HTT: variants seen among roughly 807,000 people sequenced by gnomAD.
The protein encoded by HTT is huntingtin.
In HTT, 104 loss-of-function variants were observed where a neutral mutation model predicts 362.3. The observed-to-expected ratio is 0.29, with a 90% CI of 0.24 to 0.34. The LOEUF (loss-of-function observed/expected upper bound fraction) is 0.34. Among genes scored for constraint, HTT ranks in the 10% least tolerant of loss-of-function variants. The pLI, the probability that HTT is intolerant of heterozygous loss-of-function variation, is 1.00. For synonymous variants in HTT, 1,577 were observed against 1,548.7 expected, an observed-to-expected ratio of 1.02 and a Z score of -0.43; for missense variants, 3,301 against 3,928.6, an observed-to-expected ratio of 0.84 and a Z score of 4.27.
chr4:3,121,160 C>CA lies in HTT; in HGVS notation c.1069-62dup. 17 of 1,215,638 alleles carry CA rather than the reference C, an allele frequency of 1.4e-5. No homozygotes were observed. In the South Asian group the frequency reaches 2.2e-4, roughly 16 times the overall value. 75.3% of individuals were successfully genotyped at this position (1,215,638 alleles called of 1,614,324 possible). On this transcript the variant is annotated intron_variant, in intron 8 of 66. Transcript: ENST00000355072. ...GTCAATGAAGTCCTATTAAAAACAA[C>CA]AAAAAAGTGAAGCTTAGGATGCATT...
chr4:3,166,802 G>C (rs1054654683), intron 29 of HTT, among the ~76,000 whole-genome samples: 1 of 152,248 alleles, frequency 6.6e-6, no homozygotes, highest in Non-Finnish European at 1.5e-5. Flanking sequence ...GAAAAGTGCA[G>C]TATTTGGGCA....
At chr4:3,143,460 AG>A (rs1295862036) in intron 23 of HTT, among the ~76,000 whole-genome samples, 1 of 151,296 alleles carries the variant, frequency 6.6e-6, no homozygotes, top group Non-Finnish European at 1.5e-5. Context: ...AAAAAAGAAA[AG>A]AAAAAAGTAA....
At chr4:3,080,855 C>T (rs1481869904) in intron 1 of HTT, among the ~76,000 whole-genome samples, 2 of 152,182 alleles carry the variant, frequency 1.3e-5, no homozygotes, top group African/African-American at 2.4e-5. Context: ...ACTATTCTTT[C>T]CCCATGGAAT....
intron 42 of HTT, 151 bp downstream of exon 42, chr4:3,204,299 T>G: frequency 1.4e-6 from 1 of 725,776 alleles, no homozygotes; most frequent in East Asian, 2.5e-5. Context: ...GAATGTTTAC[T>G]TCTGCTGTGA....
intron 26 of HTT, among the ~76,000 whole-genome samples, chr4:3,149,247 A>G (rs976853122): frequency 2.6e-5 from 4 of 152,108 alleles, no homozygotes; most frequent in South Asian, 2.1e-4. Flanking sequence ...CTTCAAAACA[A>G]ATGTTAACTA....
intron 45 of HTT, among the ~76,000 whole-genome samples, chr4:3,208,366 C>G (rs1235842344): frequency 1.3e-5 from 2 of 152,166 alleles, no homozygotes; most frequent in Non-Finnish European, 2.9e-5. Context: ...ACCATGAATT[C>G]CTATCAGTTG....
At chr4:3,139,450 G>A (rs980051101) in intron 21 of HTT, among the ~76,000 whole-genome samples, 3 of 152,018 alleles carry the variant, frequency 2.0e-5, no homozygotes, top group African/African-American at 4.8e-5. Context: ...CCCCTGTCTC[G>A]GCCTCCCAAA....
At position 3,148,042 on chromosome 4, in the gene HTT, TGAA is replaced by T; in HGVS notation, c.3341_3343del (p.Glu1114del). On this transcript the variant is annotated inframe_deletion, in exon 26 of 67. Coordinates refer to ENST00000355072, the MANE Select transcript of HTT (RefSeq NM_001388492.1). ...AATCTCTGAGAAGTTCATGGGCCTC[TGAA>T]GAAGAAGCCAACCCAGCAGCCACCA... is the stretch of plus-strand genomic sequence containing the variant. 1.2e-6 allele frequency: 2 copies of T among 1,614,058 alleles called. No homozygotes were observed. Among genetic ancestry groups the T allele is most frequent in the Non-Finnish European group, 1.7e-6 (2 of 1,179,982 alleles).
chr4:3,100,240 A>G (rs1267982903), intron 3 of HTT, among the ~76,000 whole-genome samples: 9 of 152,126 alleles, frequency 5.9e-5, no homozygotes, highest in Non-Finnish European at 1.3e-4. Flanking sequence ...GTGAGGATTA[A>G]ATTGTGTATG....
intron 57 of HTT, among the ~76,000 whole-genome samples, chr4:3,227,972 C>T (rs1246656060): frequency 2.0e-5 from 3 of 152,188 alleles, no homozygotes; most frequent in African/African-American, 7.2e-5. Context: ...CATACAGACT[C>T]CTCGCCCACT....
chr4:3,217,704 C>A, intron 51 of HTT, 61 bp from the exon 52 acceptor site: 1 of 1,419,510 alleles, frequency 7.0e-7, no homozygotes, highest in Non-Finnish European at 9.7e-7. Context: ...GTCATGCTTT[C>A]TACACTGGGC....
intron 8 of HTT, among the ~76,000 whole-genome samples, chr4:3,119,249 A>C (rs1715179203): frequency 6.6e-6 from 1 of 152,230 alleles, no homozygotes; most frequent in Non-Finnish European, 1.5e-5. Context: ...TGCATATATT[A>C]TCAACAAGGA....
chr4:3,235,970 G>A (rs916110343), intron 63 of HTT, among the ~76,000 whole-genome samples, 179 bp from the exon 64 acceptor site: 7 of 152,200 alleles, frequency 4.6e-5, no homozygotes, highest in African/African-American at 1.4e-4. Flanking sequence ...AGGGTTGACC[G>A]TCCCTGTGGT....
rs753174534 is a variant in HTT at position 3,074,814 on chromosome 4, C to T, written c.-12C>T. On this transcript the variant is annotated 5_prime_UTR_variant, in exon 1 of 67. Coordinates refer to ENST00000355072, the MANE Select transcript of HTT (RefSeq NM_001388492.1). ...GGCCTCCGGGGACTGCCGTGCCGGG[C>T]GGGAGACCGCCATGGCGACCCTGGA... 6.6e-7 allele frequency: 1 copy of T among 1,511,644 alleles called. No homozygotes were observed. Among genetic ancestry groups the T allele is most frequent in the South Asian group, 1.2e-5 (1 of 82,138 alleles). The allele number at this position is 1,511,644 out of a possible 1,614,324, so 93.6% of individuals were successfully genotyped here.
chr4:3,075,647 C>CGGGGGGGGGTGGGGGGGGG (rs1560535774), intron 1 of HTT, among the ~76,000 whole-genome samples: 2 of 61,674 alleles, frequency 3.2e-5, no homozygotes, highest in Non-Finnish European at 5.9e-5. Context: ...AGTGGCGGGG[C>CGGGGGGGGGTGGGGGGGGG]AGGGGGGGGG....
chr4:3,132,452 G>C, intron 16 of HTT, 110 bp from the exon 17 acceptor site: 2 of 861,752 alleles, frequency 2.3e-6, no homozygotes, highest in Non-Finnish European at 3.6e-6. Flanking sequence ...TCTGAATTTG[G>C]ATCTTCTCTT....
intron 2 of HTT, among the ~76,000 whole-genome samples, chr4:3,099,037 A>G (rs773909158): frequency 5.9e-5 from 9 of 152,234 alleles, no homozygotes; most frequent in Non-Finnish European, 1.2e-4. Context: ...CATATACCCT[A>G]CATCCAGTTA....
intron 54 of HTT, 69 bp from the exon 55 acceptor site, chr4:3,223,337 T>C (rs1720763454): frequency 6.9e-7 from 1 of 1,442,840 alleles, no homozygotes; most frequent in Non-Finnish European, 9.3e-7. Context: ...GGGAAGACTC[T>C]GGGTTCTGCA....
At position 3,240,831 on chromosome 4, in the gene HTT, A is replaced by C. The variant is rs139353505; in HGVS notation, c.*772A>C. The C allele has an allele frequency of 0.01, 1,538 of 152,672 alleles. 11 individuals carry two copies. The highest frequency in any genetic ancestry group is 0.022 in the African/African-American group (929 of 41,564). The allele number at this position is 152,672 out of a possible 1,614,324, so 9.5% of individuals were successfully genotyped here. The stretch of plus-strand genomic sequence containing the variant: ...TGTACATGTTCCTGTTTATGCATTC[A>C]CAAGGTGACTGGGATGTAGAGAGGC... On this transcript the variant is annotated 3_prime_UTR_variant, in exon 67 of 67. Coordinates refer to ENST00000355072, the MANE Select transcript of HTT (RefSeq NM_001388492.1).
Sources: gnomAD v4.1 joint callset for allele counts (sites outside exome capture counted in the v4.1 genomes callset) on GRCh38, gnomAD v4.1.1 for gene constraint, MANE v1.5 for transcripts, NCBI Gene and HGNC (gene_info 2026-07-23, HGNC 2026-07-21) for gene names.